The following DGKK variants were observed in gnomAD, a reference collection of about 807,000 sequenced individuals.
The protein encoded by DGKK is diacylglycerol kinase kappa, also known as 142 kDa diacylglycerol kinase.
Under a neutral mutation model 92.2 loss-of-function variants are expected in DGKK, and 35 were observed. That is an observed-to-expected ratio of 0.38 (90% CI 0.29 to 0.50). DGKK has a LOEUF of 0.50. Ranked by LOEUF, DGKK falls within the 20% of genes least tolerant of loss-of-function variation. The pLI, the probability that DGKK is intolerant of heterozygous loss-of-function variation, is 0.92. For synonymous variants in DGKK, 368 were observed against 360.6 expected, an observed-to-expected ratio of 1.02 and a Z score of -0.23; for missense variants, 910 against 992.2, an observed-to-expected ratio of 0.92 and a Z score of 1.11.
intron 1 of DGKK, among the ~76,000 whole-genome samples, chrX:50,438,369 A>T: frequency 8.9e-6 from 1 of 111,925 alleles, no homozygotes; most frequent in South Asian, 3.8e-4. Flanking sequence ...GGTAGTTATT[A>T]TCATCCTCAT....
intron 1 of DGKK, 139 bp downstream of exon 1, chrX:50,469,895 A>C: frequency 1.0e-6 from 1 of 977,743 alleles, no homozygotes; most frequent in Non-Finnish European, 1.3e-6. Context: ...CGGGTTCCCC[A>C]TCCCTGCATC....
intron 1 of DGKK, among the ~76,000 whole-genome samples, chrX:50,469,431 C>T (rs967061386): frequency 1.8e-5 from 2 of 112,985 alleles, no homozygotes; most frequent in Non-Finnish European, 3.8e-5. Context: ...CCCTGCAGTG[C>T]GCGTGGGCGC....
intron 27 of DGKK, among the ~76,000 whole-genome samples, chrX:50,369,375 G>A (rs903210009): frequency 1.8e-5 from 2 of 111,310 alleles, no homozygotes; most frequent in South Asian, 3.9e-4. Context: ...CTTGGCATTC[G>A]TGCAAACTCT....
intron 2 of DGKK, among the ~76,000 whole-genome samples, chrX:50,423,578 A>G (rs1925657613): frequency 8.9e-6 from 1 of 112,180 alleles, no homozygotes; most frequent in African/African-American, 3.2e-5. Flanking sequence ...GGCAACCCAT[A>G]GTTCTTTCAG....
chrX:50,455,420 T>A lies in DGKK; in HGVS notation c.645+14614A>T, dbSNP rs183710740. ...TATAGGTACTTAATACTTCACACTA[T>A]GTGTGAAGAACATTAAAATAGAATT... On this transcript the variant is annotated intron_variant, in intron 1 of 27. Coordinates refer to ENST00000611977, the MANE Select transcript of DGKK (RefSeq NM_001013742.4). Among the ~76,000 whole-genome samples the A allele has an allele frequency of 3.8e-4, 43 of 112,374 alleles. 1 individual carries two copies. Among genetic ancestry groups the A allele is most frequent in the Admixed American group, 3.3e-3 (35 of 10,647 alleles).
rs1341296217 is a variant in DGKK, at chrX:50,400,823, A to C, written c.1411+214T>G. Among the ~76,000 whole-genome samples, 3 of 111,501 alleles carry C rather than the reference A, an allele frequency of 2.7e-5. No individual in the cohort carries two copies. In the East Asian group the frequency reaches 8.4e-4, roughly 31 times the overall value. On this transcript the variant is annotated intron_variant, in intron 8 of 27. Coordinates refer to ENST00000611977, the MANE Select transcript of DGKK (RefSeq NM_001013742.4). ...AGAAACAATTGTGACCGAGCTACAG[A>C]GAACATGCCCACATACATATACACC...
intron 1 of DGKK, among the ~76,000 whole-genome samples, chrX:50,445,242 C>T (rs1926269725): frequency 9.4e-6 from 1 of 106,031 alleles, no homozygotes; most frequent in Non-Finnish European, 1.9e-5. Flanking sequence ...TCTGTTTACT[C>T]TGTTGATAGT....
intron 1 of DGKK, among the ~76,000 whole-genome samples, chrX:50,438,781 A>G (rs1602296285): frequency 8.9e-6 from 1 of 111,768 alleles, no homozygotes; most frequent in Non-Finnish European, 1.9e-5. Context: ...GGAACTATGG[A>G]TAAAGATATG....
intron 8 of DGKK, among the ~76,000 whole-genome samples, chrX:50,400,701 C>A (rs1924979065): frequency 9.0e-6 from 1 of 111,596 alleles, no homozygotes; most frequent in African/African-American, 3.3e-5. Flanking sequence ...GATAACCTGG[C>A]CTTCATGAAG....
In DGKK at chrX:50,470,500, T is replaced by G. The variant is rs782571622; in HGVS notation, c.179A>C (p.Glu60Ala). The change falls in exon 1 of 28, where the codon GAG (glutamate) becomes GCG (alanine). Residue 60 changes from glutamate (E) to alanine (A), a missense_variant. Glu to Ala is a moderately radical substitution (Grantham distance 107, BLOSUM62 -1). Coordinates refer to ENST00000611977, the MANE Select transcript of DGKK (RefSeq NM_001013742.4). ...SPEPIPEPCPELAPGPCPEAT... is the reference protein window; with the variant it reads ...SPEPIPEPCPALAPGPCPEAT... Reference sequence around the variant, plus strand: ...CTCTGGACAGGGACCTGGAGCAAGCTCTGGACAGGGCTCTGGTATGGGTTC... The same window carrying G: ...CTCTGGACAGGGACCTGGAGCAAGCGCTGGACAGGGCTCTGGTATGGGTTC... 4.1e-6 allele frequency: 5 copies of G among 1,211,333 alleles called. No individual in the cohort carries two copies. In the African/African-American group the frequency reaches 6.9e-5, roughly 17 times the overall value.
intron 1 of DGKK, among the ~76,000 whole-genome samples, chrX:50,458,409 A>G (rs1417986692): frequency 9.1e-6 from 1 of 109,728 alleles, no homozygotes; most frequent in Non-Finnish European, 1.9e-5. Flanking sequence ...TATTTCCACT[A>G]TAGAAAACAC....
At chrX:50,369,775 G>A (rs1924073508) in intron 27 of DGKK, among the ~76,000 whole-genome samples, 1 of 111,292 alleles carries the variant, frequency 9.0e-6, no homozygotes, top group Admixed American at 9.6e-5. Context: ...CGTTGCCCAG[G>A]CTGGTCTTGA....
intron 8 of DGKK, among the ~76,000 whole-genome samples, chrX:50,400,052 T>C (rs1353434259): frequency 8.9e-6 from 1 of 111,995 alleles, no homozygotes; most frequent in Non-Finnish European, 1.9e-5. Flanking sequence ...GCCCTTCACA[T>C]ATTATCATCT....
rs568744234 is a variant in DGKK at position 50,418,515 on chromosome X, C to T, written c.942+1888G>A. The stretch of plus-strand genomic sequence containing the variant: ...ATCTTCCCTTGCCCTATTTGTCAGG[C>T]ATTGGTGGTGACAGAAGATAGAAGG... On this transcript the variant is annotated intron_variant, in intron 4 of 27. Transcript: ENST00000611977. 1.6e-4 allele frequency among the ~76,000 whole-genome samples: 18 copies of T among 111,843 alleles called. No homozygotes were observed. In the South Asian group the frequency reaches 3.4e-3, roughly 21 times the overall value.
intron 1 of DGKK, among the ~76,000 whole-genome samples, chrX:50,428,982 G>T (rs1189029675): frequency 8.9e-6 from 1 of 111,793 alleles, no homozygotes; most frequent in African/African-American, 3.3e-5. Flanking sequence ...ACCCGCTTGG[G>T]GCTACTAAAC....
intron 25 of DGKK, among the ~76,000 whole-genome samples, 156 bp downstream of exon 25, chrX:50,374,815 C>T (rs782125952): frequency 9.9e-5 from 11 of 110,806 alleles, no homozygotes; most frequent in South Asian, 7.9e-4. Flanking sequence ...AGTCATACAA[C>T]CAACAACAAT....
At chrX:50,379,805 G>A in intron 19 of DGKK, 71 bp from the exon 20 acceptor site, 1 of 965,025 alleles carries the variant, frequency 1.0e-6, no homozygotes, top group South Asian at 2.0e-5. Flanking sequence ...TACAGAGATG[G>A]GGAAAGGGCT....
chrX:50,384,293 C>T (rs781986959), intron 16 of DGKK, 29 bp from the exon 17 acceptor site: 40 of 1,024,872 alleles, frequency 3.9e-5, no homozygotes, highest in African/African-American at 9.6e-5. Context: ...ACTTGGGTGA[C>T]GGATACAAAC....
At position 50,382,662 on chromosome X, in the gene DGKK, T is replaced by A; in HGVS notation, c.2550-59A>T. On this transcript the variant is annotated intron_variant, in intron 17 of 27. Transcript: ENST00000611977. ...TGCAGGAAAGAAGTGCCGCTATCAA[T>A]TGGGCATGAAGATGAATCTGCATGA... 10 of 958,856 alleles carry A rather than the reference T, an allele frequency of 1.0e-5. No individual in the cohort carries two copies. The South Asian group carries it at 2.0e-4, about 20-fold the overall frequency. The allele number at this position is 958,856 out of a possible 1,213,427, so 79.0% of individuals were successfully genotyped here. A position where few individuals can be genotyped will look rare whatever the true frequency, so the allele number is the denominator to read the frequency against.
Sources: allele counts gnomAD v4.1 joint callset (sites outside exome capture counted in the v4.1 genomes callset), GRCh38; gene constraint gnomAD v4.1.1; transcripts MANE v1.5; gene names NCBI Gene and HGNC (gene_info 2026-07-23, HGNC 2026-07-21).